The following MSRA variants were observed in gnomAD, a reference collection of about 807,000 sequenced individuals.
MSRA encodes methionine sulfoxide reductase A, also known as mitochondrial peptide methionine sulfoxide reductase.
Under a neutral mutation model 31.3 loss-of-function variants are expected in MSRA, and 54 were observed. That is an observed-to-expected ratio of 1.73 (90% CI 1.39 to 2.17). The LOEUF is 2.17. Among genes scored for constraint, MSRA ranks in the 30% most tolerant of loss-of-function variants. MSRA has a pLI of 0.00. For synonymous variants in MSRA, 169 were observed against 116.5 expected, an observed-to-expected ratio of 1.45 and a Z score of -2.90; for missense variants, 507 against 300.9, an observed-to-expected ratio of 1.69 and a Z score of -5.07.
chr8:10,122,072 G>T (rs1447287944), intron 1 of MSRA, among the ~76,000 whole-genome samples: 1 of 152,100 alleles, frequency 6.6e-6, no homozygotes, highest in Non-Finnish European at 1.5e-5. Context: ...ACTCTTCAGG[G>T]AAGGGGCACC....
At chr8:10,162,433 C>T (rs1185780818) in intron 1 of MSRA, among the ~76,000 whole-genome samples, 1 of 152,180 alleles carries the variant, frequency 6.6e-6, no homozygotes, top group African/African-American at 2.4e-5. Context: ...GTTTAACCTA[C>T]ATTGAGTGCC....
In MSRA at chr8:10,142,191, C is replaced by T. The variant is rs574351247; in HGVS notation, c.143-65642C>T. Among the ~76,000 whole-genome samples the T allele has an allele frequency of 1.7e-4, 26 of 152,326 alleles. No homozygotes were observed. The East Asian group carries it at 5.0e-3, about 29-fold the overall frequency. On this transcript the variant is annotated intron_variant, in intron 1 of 5. Transcript: ENST00000317173. ...CAGGCTGGTCTGCAACTCCCGACCTCAGGTGATCCACCCACCTTGACCTCC... is the reference window on the plus strand; with the variant it reads ...CAGGCTGGTCTGCAACTCCCGACCTTAGGTGATCCACCCACCTTGACCTCC...
At chr8:10,399,883 G>A (rs1807334870) in intron 5 of MSRA, among the ~76,000 whole-genome samples, 1 of 152,146 alleles carries the variant, frequency 6.6e-6, no homozygotes, top group Non-Finnish European at 1.5e-5. Context: ...TGCTTTAGAT[G>A]GATGGTCTTG....
intron 2 of MSRA, among the ~76,000 whole-genome samples, chr8:10,214,691 A>G (rs2129063484): frequency 6.6e-6 from 1 of 152,362 alleles, no homozygotes; most frequent in East Asian, 1.9e-4. Flanking sequence ...CAAGATGGTC[A>G]GAACTGCAGG....
intron 2 of MSRA, among the ~76,000 whole-genome samples, chr8:10,223,276 C>T (rs1316760895): frequency 1.3e-5 from 2 of 152,106 alleles, no homozygotes; most frequent in Non-Finnish European, 2.9e-5. Flanking sequence ...CAAAATGGGT[C>T]ACTTCATGAG....
chr8:10,127,201 TTAA>T (rs1469027755), intron 1 of MSRA, among the ~76,000 whole-genome samples: 3 of 152,248 alleles, frequency 2.0e-5, no homozygotes, highest in African/African-American at 7.2e-5. Flanking sequence ...TTCAAGTTTC[TTAA>T]TTTTTGCCAA....
rs114430429 is a variant in MSRA at position 10,251,637 on chromosome 8, C to T, written c.331+6414C>T. ...AGGCTTCAAGAGCAGAGACCCTTGA[C>T]TCATACCCTTAGGACCAAAGATATC... On this transcript the variant is annotated intron_variant, in intron 3 of 5. Coordinates refer to ENST00000317173, the MANE Select transcript of MSRA (RefSeq NM_012331.5). 4.9e-3 allele frequency among the ~76,000 whole-genome samples: 750 copies of T among 152,286 alleles called. 6 individuals are homozygous for T. The highest frequency in any genetic ancestry group is 0.017 in the African/African-American group (696 of 41,542).
intron 1 of MSRA, among the ~76,000 whole-genome samples, chr8:10,139,670 A>AT (rs1176059808): frequency 2.0e-5 from 3 of 152,162 alleles, no homozygotes; most frequent in Non-Finnish European, 4.4e-5. Context: ...CACCAGTTCT[A>AT]TTCATATTGC....
intron 3 of MSRA, among the ~76,000 whole-genome samples, chr8:10,285,807 C>G (rs549816045): frequency 6.6e-6 from 1 of 152,052 alleles, no homozygotes; most frequent in African/African-American, 2.4e-5. Flanking sequence ...TCTATGTTAT[C>G]TTAAATGACA....
rs145995417 is a variant in MSRA at position 10,428,215 on chromosome 8, C to T, written c.611C>T (p.Ala204Val). The T allele has an allele frequency of 2.2e-5, 35 of 1,614,046 alleles. No homozygotes were observed. The African/African-American group carries it at 2.4e-4, about 11-fold the overall frequency. The change falls in exon 6 of 6, where the codon GCG (alanine) becomes GTG (valine). Residue 204 changes from alanine (A) to valine (V), a missense_variant. Ala to Val is a moderately conservative substitution (Grantham distance 64). Coordinates refer to ENST00000317173, the MANE Select transcript of MSRA (RefSeq NM_012331.5). ...CGGGAGGGACAGACTTTCTACTATG[C>T]GGAAGACTACCACCAGCAGTACCTG... ...DIREGQTFYYAEDYHQQYLSK... is the reference protein window; with the variant it reads ...DIREGQTFYYVEDYHQQYLSK...
At chr8:10,403,769 G>A (rs1807616501) in intron 5 of MSRA, among the ~76,000 whole-genome samples, 1 of 152,246 alleles carries the variant, frequency 6.6e-6, no homozygotes, top group African/African-American at 2.4e-5. Context: ...TCCAGGCTCA[G>A]GCTGAGGCAG....
intron 5 of MSRA, among the ~76,000 whole-genome samples, chr8:10,404,291 C>T (rs903851569): frequency 5.3e-5 from 8 of 152,248 alleles, no homozygotes; most frequent in East Asian, 1.9e-4. Context: ...AGAGAAGCGT[C>T]CCCCTGGAAT....
chr8:10,348,509 A>T (rs1055286443), intron 5 of MSRA, among the ~76,000 whole-genome samples: 1 of 151,814 alleles, frequency 6.6e-6, no homozygotes, highest in African/African-American at 2.4e-5. Flanking sequence ...AGCCGGGACT[A>T]CAAGCGTGCG....
chr8:10,237,150 C>T (rs113062130), intron 2 of MSRA, among the ~76,000 whole-genome samples: 146 of 152,298 alleles, frequency 9.6e-4, no homozygotes, highest in African/African-American at 3.4e-3. Context: ...GGTCTCATAA[C>T]TAGGTTGAGT....
At chr8:10,359,625 G>C (rs901804240) in intron 5 of MSRA, among the ~76,000 whole-genome samples, 3 of 152,002 alleles carry the variant, frequency 2.0e-5, no homozygotes, top group African/African-American at 7.3e-5. Flanking sequence ...TTTGACCAGA[G>C]TATTTACTGC....
intron 1 of MSRA, among the ~76,000 whole-genome samples, chr8:10,174,885 T>A (rs1355430541): frequency 6.6e-6 from 1 of 152,130 alleles, no homozygotes; most frequent in Non-Finnish European, 1.5e-5. Flanking sequence ...CTCTGGTGTC[T>A]GTCAATAGAT....
At chr8:10,397,228 A>G (rs1807151964) in intron 5 of MSRA, among the ~76,000 whole-genome samples, 1 of 152,172 alleles carries the variant, frequency 6.6e-6, no homozygotes, top group Non-Finnish European at 1.5e-5. Context: ...TGCTTGTGGA[A>G]CAAAGTAGAG....
chr8:10,280,950 G>C (rs1261579564), intron 3 of MSRA, among the ~76,000 whole-genome samples: 5 of 152,182 alleles, frequency 3.3e-5, no homozygotes, highest in African/African-American at 1.2e-4. Flanking sequence ...TCCAGAATAG[G>C]GAAAGCTGTA....
chr8:10,127,887 A>T (rs577916278), intron 1 of MSRA, among the ~76,000 whole-genome samples: 2 of 151,834 alleles, frequency 1.3e-5, no homozygotes, highest in Admixed American at 6.6e-5. Flanking sequence ...GGAAGAATGG[A>T]TTTTTTATTG....
Sources: allele counts gnomAD v4.1 joint callset (sites outside exome capture counted in the v4.1 genomes callset), GRCh38; gene constraint gnomAD v4.1.1; transcripts MANE v1.5; gene names NCBI Gene and HGNC (gene_info 2026-07-23, HGNC 2026-07-21).